ZNF407: variants seen among roughly 807,000 people sequenced by gnomAD.
The protein encoded by ZNF407 is zinc finger protein 407.
In ZNF407, 17 loss-of-function variants were observed where a neutral mutation model predicts 131.2. That is an observed-to-expected ratio of 0.13 (90% confidence interval 0.09 to 0.19). The LOEUF (loss-of-function observed/expected upper bound fraction) is 0.19, where lower values mean the gene tolerates loss of function less well. Ranked by LOEUF, ZNF407 falls within the 10% of genes least tolerant of loss-of-function variation. The pLI is 1.00. For synonymous variants in ZNF407, 1,156 were observed against 1,062.0 expected, an observed-to-expected ratio of 1.09 and a Z score of -1.72; for missense variants, 2,681 against 2,830.6, an observed-to-expected ratio of 0.95 and a Z score of 1.20.
At chr18:74,956,562 A>G (rs1972277334) in intron 8 of ZNF407, among the ~76,000 whole-genome samples, 1 of 152,096 alleles carries the variant, frequency 6.6e-6, no homozygotes, top group Admixed American at 6.6e-5. Context: ...TCCTGACATA[A>G]TATGTGCAGC....
At chr18:74,829,005 T>C (rs548941191) in intron 4 of ZNF407, among the ~76,000 whole-genome samples, 2 of 152,228 alleles carry the variant, frequency 1.3e-5, no homozygotes, top group Non-Finnish European at 2.9e-5. Flanking sequence ...CCACATGTTA[T>C]GTTGGTTAAA....
intron 7 of ZNF407, among the ~76,000 whole-genome samples, chr18:74,917,331 A>G (rs1306526551): frequency 6.6e-6 from 1 of 152,312 alleles, no homozygotes; most frequent in East Asian, 1.9e-4. Flanking sequence ...ATACATACAC[A>G]TATGTATAAT....
intron 8 of ZNF407, among the ~76,000 whole-genome samples, chr18:75,052,781 C>T (rs567101365): frequency 4.2e-4 from 64 of 152,282 alleles, no homozygotes; most frequent in African/African-American, 1.3e-3. Context: ...GTGCGGCACC[C>T]GGTACACAGC....
At chr18:74,794,238 G>A (rs17243808) in intron 4 of ZNF407, among the ~76,000 whole-genome samples, 25,097 of 152,048 alleles carry the variant, frequency 0.17, 2,355 homozygotes, top group Non-Finnish European at 0.22. Context: ...GTATTTTTCC[G>A]GCCAACTCCA....
intron 4 of ZNF407, among the ~76,000 whole-genome samples, chr18:74,786,556 A>T (rs1360913814): frequency 1.3e-5 from 2 of 152,058 alleles, no homozygotes; most frequent in African/African-American, 4.8e-5. Flanking sequence ...TATTTACACA[A>T]GAAATAATTC....
intron 3 of ZNF407, among the ~76,000 whole-genome samples, chr18:74,733,339 A>G (rs946508359): frequency 3.9e-5 from 6 of 152,180 alleles, no homozygotes; most frequent in African/African-American, 7.2e-5. Flanking sequence ...TTCATGGAGT[A>G]TATATGACCA....
intron 8 of ZNF407, among the ~76,000 whole-genome samples, chr18:75,045,122 G>A (rs2122248448): frequency 6.6e-6 from 1 of 151,204 alleles, no homozygotes; most frequent in Non-Finnish European, 1.5e-5. Flanking sequence ...GGGTGTGGGG[G>A]TGCGTGGGGC....
intron 8 of ZNF407, among the ~76,000 whole-genome samples, chr18:74,931,760 C>T (rs75987063): frequency 0.027 from 4,035 of 152,226 alleles, 194 homozygotes; most frequent in African/African-American, 0.091. Context: ...AGGAACTCAT[C>T]GTGTGGTTTT....
At chr18:74,846,165 A>G (rs1408964200) in intron 4 of ZNF407, among the ~76,000 whole-genome samples, 3 of 152,208 alleles carry the variant, frequency 2.0e-5, no homozygotes, top group African/African-American at 7.2e-5. Flanking sequence ...ACAATCTTAT[A>G]AATCTTAGAA....
intron 7 of ZNF407, among the ~76,000 whole-genome samples, chr18:74,911,537 G>A (rs1971670731): frequency 3.3e-5 from 5 of 152,000 alleles, no homozygotes; most frequent in Admixed American, 2.6e-4. Context: ...CAACTGTTTT[G>A]TGTTGTTGTT....
At position 74,914,398 on chromosome 18, in the gene ZNF407, G is replaced by A. The variant is rs568858245; in HGVS notation, c.5250-6116G>A. ...TGTTGACGCTGACTTTGCGCTGTGT[G>A]CCGGAGCCATGCAGTGTGTGTTGCT... On this transcript the variant is annotated intron_variant, in intron 7 of 8. Coordinates refer to ENST00000299687, the MANE Select transcript of ZNF407 (RefSeq NM_017757.3). Among the ~76,000 whole-genome samples, 3 of 152,304 alleles carry A rather than the reference G, an allele frequency of 2.0e-5. No homozygotes were observed. The South Asian group carries it at 6.2e-4, about 32-fold the overall frequency.
At chr18:74,898,509 A>G (rs1212879051) in intron 7 of ZNF407, 1 of 152,248 alleles carries the variant, frequency 6.6e-6, no homozygotes, top group African/African-American at 2.4e-5. Flanking sequence ...TCCTTATTCA[A>G]TAACGCAGTG....
At chr18:74,710,525 A>G (rs765426775) in intron 3 of ZNF407, among the ~76,000 whole-genome samples, 1 of 152,188 alleles carries the variant, frequency 6.6e-6, no homozygotes, top group African/African-American at 2.4e-5. Flanking sequence ...CTTTCTAGGT[A>G]CCTGCCCATT....
chr18:74,982,821 A>G (rs1236415105), intron 8 of ZNF407, among the ~76,000 whole-genome samples: 2 of 152,242 alleles, frequency 1.3e-5, no homozygotes, highest in African/African-American at 2.4e-5. Flanking sequence ...TTTATCACTG[A>G]TAGGTCTTGT....
intron 4 of ZNF407, among the ~76,000 whole-genome samples, chr18:74,784,545 A>T (rs1036999633): frequency 1.3e-5 from 2 of 152,212 alleles, no homozygotes; most frequent in Non-Finnish European, 2.9e-5. Flanking sequence ...TGGCTTGTGT[A>T]AGATTATACT....
At chr18:74,727,831 C>T (rs573313993) in intron 3 of ZNF407, among the ~76,000 whole-genome samples, 15 of 152,248 alleles carry the variant, frequency 9.9e-5, no homozygotes, top group Non-Finnish European at 1.3e-4. Context: ...AATCATTGAG[C>T]GTTTTGCACA....
chr18:74,902,329 G>T (rs1181647058), intron 7 of ZNF407, among the ~76,000 whole-genome samples: 1 of 152,210 alleles, frequency 6.6e-6, no homozygotes, highest in Non-Finnish European at 1.5e-5. Flanking sequence ...TCGAGTCCTT[G>T]TCACTCGTGG....
chr18:74,768,263 G>A (rs1390704125), intron 3 of ZNF407, among the ~76,000 whole-genome samples: 1 of 152,144 alleles, frequency 6.6e-6, no homozygotes, highest in African/African-American at 2.4e-5. Flanking sequence ...GTCAAGTATG[G>A]AGTGCTGGTC....
At chr18:74,678,316 A>ATTTCTGCATTACC (rs1966900257) in intron 3 of ZNF407, among the ~76,000 whole-genome samples, 4 of 152,126 alleles carry the variant, frequency 2.6e-5, no homozygotes, top group Non-Finnish European at 4.4e-5. Context: ...AGGCCCATTT[A>ATTTCTGCATTACC]CTTCTGCATT....
Sources: gnomAD v4.1 joint callset for allele counts (sites outside exome capture counted in the v4.1 genomes callset) on GRCh38, gnomAD v4.1.1 for gene constraint, MANE v1.5 for transcripts, NCBI Gene and HGNC (gene_info 2026-07-23, HGNC 2026-07-21) for gene names.